The following EPSTI1 variants were observed in gnomAD, a reference collection of about 807,000 sequenced individuals.
The protein encoded by EPSTI1 is epithelial stromal interaction 1, also known as epithelial-stromal interaction protein 1.
Under a neutral mutation model 49.9 loss-of-function variants are expected in EPSTI1, and 66 were observed. That is an observed-to-expected ratio of 1.32 (90% CI 1.08 to 1.62). The LOEUF (loss-of-function observed/expected upper bound fraction) is 1.62, where lower values mean the gene tolerates loss of function less well. Ranked by LOEUF, EPSTI1 falls within the 40% of genes most tolerant of loss-of-function variation. The pLI is 0.00. For missense variants in EPSTI1, 394 were observed against 365.5 expected, an observed-to-expected ratio of 1.08 and a Z score of -0.64; for synonymous variants, 137 against 130.7, an observed-to-expected ratio of 1.05 and a Z score of -0.33.
At chr13:42,949,241 G>A (rs751004461) in intron 6 of EPSTI1, among the ~76,000 whole-genome samples, 1 of 152,162 alleles carries the variant, frequency 6.6e-6, no homozygotes, top group Non-Finnish European at 1.5e-5. Flanking sequence ...CCCCTTCCAG[G>A]TCTTCCCCAG....
Position 42,969,174 on chromosome 13 carries a change from G to A in EPSTI1, c.251C>T (p.Ala84Val), listed in dbSNP as rs370290510. The A allele has an allele frequency of 2.1e-5, 34 of 1,613,608 alleles. No homozygotes were observed. Among genetic ancestry groups the A allele is most frequent in the African/African-American group, 1.5e-4 (11 of 74,894 alleles). Reference protein sequence around the residue: ...INRRNEIQRIAEQELANLEKW... With the variant: ...INRRNEIQRIVEQELANLEKW... Reference sequence around the variant, plus strand: ...CTCCAGGTTGGCCAGCTCCTGCTCCGCAACTAAGCCAGGCGAGAAATATCA... The same window carrying A: ...CTCCAGGTTGGCCAGCTCCTGCTCCACAACTAAGCCAGGCGAGAAATATCA... Residue 84 changes from alanine to valine, a missense_variant, in exon 3 of 11, where the codon GCG (alanine) becomes GTG (valine). Transcript: ENST00000313624.
At chr13:42,976,049 G>C (rs1444676814) in intron 1 of EPSTI1, among the ~76,000 whole-genome samples, 1 of 152,214 alleles carries the variant, frequency 6.6e-6, no homozygotes, top group Admixed American at 6.5e-5. Flanking sequence ...TCTGGGATTT[G>C]ATTGGATTCC....
intron 3 of EPSTI1, among the ~76,000 whole-genome samples, chr13:42,967,393 A>G (rs564992000): frequency 6.6e-6 from 1 of 152,310 alleles, no homozygotes; most frequent in Non-Finnish European, 1.5e-5. Context: ...GTTAGAGCCT[A>G]AAGGTATAAG....
chr13:42,901,995 C>T (rs907000646), intron 8 of EPSTI1, among the ~76,000 whole-genome samples: 3 of 150,540 alleles, frequency 2.0e-5, no homozygotes, highest in African/African-American at 4.9e-5. Flanking sequence ...TCAATTCCCA[C>T]CTATGAGTGA....
chr13:42,982,036 T>C (rs901073002), intron 1 of EPSTI1, among the ~76,000 whole-genome samples: 1 of 152,108 alleles, frequency 6.6e-6, no homozygotes. Flanking sequence ...ACCAGAGAGA[T>C]TCCACCTTGA....
At chr13:42,966,739 G>C (rs1356752892) in intron 3 of EPSTI1, among the ~76,000 whole-genome samples, 1 of 90,576 alleles carries the variant, frequency 1.1e-5, no homozygotes, top group Non-Finnish European at 2.5e-5. Flanking sequence ...CGGGAGGTGA[G>C]GGGCGCCTCC....
At chr13:42,978,097 G>T (rs2039915086) in intron 1 of EPSTI1, among the ~76,000 whole-genome samples, 1 of 151,958 alleles carries the variant, frequency 6.6e-6, no homozygotes, top group Admixed American at 6.5e-5. Flanking sequence ...AGCTTGCAGT[G>T]AGCCAAGATC....
chr13:42,889,216 GT>G (rs779263323), intron 10 of EPSTI1: 1 of 1,570,142 alleles, frequency 6.4e-7, no homozygotes. Flanking sequence ...CCCACCTTAG[GT>G]GCCTCGAAAA....
chr13:42,909,568 G>A (rs1387156239), intron 8 of EPSTI1, among the ~76,000 whole-genome samples: 1 of 151,638 alleles, frequency 6.6e-6, no homozygotes. Flanking sequence ...GAAAATGTGG[G>A]ATATACACAC....
chr13:42,901,828 C>A (rs1482483131), intron 8 of EPSTI1, among the ~76,000 whole-genome samples: 1 of 151,994 alleles, frequency 6.6e-6, no homozygotes, highest in Non-Finnish European at 1.5e-5. Flanking sequence ...AGGTTAGTTA[C>A]ATATGTATAC....
rs1594590961 is a variant in EPSTI1, at chr13:42,888,093, A to G, written c.*401T>C. On this transcript the variant is annotated 3_prime_UTR_variant, in exon 11 of 11. Transcript: ENST00000313624. ...AGAAAGTAGGGATTAAAATCTAAAA[A>G]GACCCCCAAAGCTTTCAAAACCTGA... The G allele has an allele frequency of 2.7e-6, 2 of 728,434 alleles. No homozygotes were observed. The highest frequency in any genetic ancestry group is 5.7e-5 in the East Asian group (2 of 35,252). The allele number at this position is 728,434 out of a possible 1,614,324, so 45.1% of individuals were successfully genotyped here. A position where few individuals can be genotyped will look rare whatever the true frequency, so the allele number is the denominator to read the frequency against.
intron 6 of EPSTI1, among the ~76,000 whole-genome samples, chr13:42,939,484 A>T (rs1214495911): frequency 1.3e-5 from 2 of 152,216 alleles, no homozygotes; most frequent in Non-Finnish European, 2.9e-5. Flanking sequence ...AGGGTTATTA[A>T]TTGGCCTAAT....
In EPSTI1 at chr13:42,926,346, G is replaced by T; in HGVS notation, c.647C>A (p.Ser216Tyr). 1.9e-6 allele frequency: 3 copies of T among 1,603,286 alleles called. No individual in the cohort carries two copies. The highest frequency in any genetic ancestry group is 2.6e-6 in the Non-Finnish European group (3 of 1,170,112). ...AAGTAATTCACTTACCCATGTTGAG[G>T]ATTGTGGGCCACAAACAGCACTTTG... ...ACQSAVCGPQSSTWARSWAYR... is the reference protein window; with the variant it reads ...ACQSAVCGPQYSTWARSWAYR... Residue 216 changes from serine (S) to tyrosine (Y), a missense_variant, in exon 7 of 11, where the codon TCC becomes TAC. Ser to Tyr is a moderately radical substitution (Grantham distance 144, BLOSUM62 -2). Transcript: ENST00000313624.
intron 10 of EPSTI1, among the ~76,000 whole-genome samples, chr13:42,891,491 G>GT (rs900636915): frequency 2.0e-4 from 30 of 151,542 alleles, no homozygotes; most frequent in East Asian, 5.8e-4. Context: ...TTTTAGGAGG[G>GT]TTTTTTTTGC....
At chr13:42,975,273 AG>A (rs2039859507) in intron 1 of EPSTI1, among the ~76,000 whole-genome samples, 2 of 152,208 alleles carry the variant, frequency 1.3e-5, no homozygotes, top group Non-Finnish European at 2.9e-5. Flanking sequence ...TGACAAGACC[AG>A]GCCGAGCGAA....
chr13:42,927,509 A>G (rs533757679), intron 6 of EPSTI1, among the ~76,000 whole-genome samples: 1 of 152,298 alleles, frequency 6.6e-6, no homozygotes, highest in Non-Finnish European at 1.5e-5. Context: ...GATCTGATTC[A>G]TCAAGTACTT....
At chr13:42,949,129 TA>T (rs2039015218) in intron 6 of EPSTI1, among the ~76,000 whole-genome samples, 1 of 152,134 alleles carries the variant, frequency 6.6e-6, no homozygotes, top group Admixed American at 6.5e-5. Context: ...CTGAAGGAAA[TA>T]AAAATTTTTT....
At chr13:42,989,863 G>T (rs1333398431) in intron 1 of EPSTI1, among the ~76,000 whole-genome samples, 2 of 151,912 alleles carry the variant, frequency 1.3e-5, no homozygotes, top group South Asian at 2.1e-4. Flanking sequence ...AAAGTGCTGG[G>T]ATTACAGGCG....
intron 9 of EPSTI1, 89 bp from the exon 10 acceptor site, chr13:42,895,197 C>T: frequency 5.2e-6 from 5 of 967,118 alleles, no homozygotes; most frequent in Non-Finnish European, 3.1e-6. Flanking sequence ...ATGAACTGAC[C>T]ATGGGGATAG....
Sources: allele counts gnomAD v4.1 joint callset (sites outside exome capture counted in the v4.1 genomes callset), GRCh38; gene constraint gnomAD v4.1.1; transcripts MANE v1.5; gene names NCBI Gene and HGNC (gene_info 2026-07-23, HGNC 2026-07-21).